Variants in TUSC3 observed in about 807,000 individuals in gnomAD.
TUSC3 encodes the protein dolichyl-diphosphooligosaccharide--protein glycosyltransferase subunit TUSC3.
In TUSC3, 45 loss-of-function variants were observed where a neutral mutation model predicts 44.8. That is an observed-to-expected ratio of 1.00 (90% CI 0.79 to 1.29). The LOEUF is 1.29. Ranked by LOEUF, TUSC3 falls within the 50% of genes most tolerant of loss-of-function variation. TUSC3 has a pLI of 0.00. For missense variants in TUSC3, 519 were observed against 437.9 expected (o/e 1.19, Z -1.65); for synonymous variants, 212 against 152.9 (o/e 1.39, Z -2.85).
intron 7 of TUSC3, among the ~76,000 whole-genome samples, chr8:15,731,530 G>T (rs1419895385): frequency 6.6e-6 from 1 of 151,994 alleles, no homozygotes. Flanking sequence ...AATTCATCTA[G>T]GCCAAACCTC....
At chr8:15,679,440 T>C (rs1220947625) in intron 6 of TUSC3, among the ~76,000 whole-genome samples, 1 of 152,120 alleles carries the variant, frequency 6.6e-6, no homozygotes, top group Non-Finnish European at 1.5e-5. Flanking sequence ...TGCCCACTTT[T>C]TAATGGGGTT....
At chr8:15,527,845 C>T (rs1457999717) in intron 2 of TUSC3, among the ~76,000 whole-genome samples, 6 of 152,162 alleles carry the variant, frequency 3.9e-5, no homozygotes, top group Non-Finnish European at 5.9e-5. Flanking sequence ...TTTAAACATT[C>T]CGTATACATT....
the TUSC3 span, among the ~76,000 whole-genome samples, chr8:15,822,296 T>A: frequency 6.6e-6 from 1 of 152,106 alleles, no homozygotes; most frequent in East Asian, 1.9e-4. Flanking sequence ...AATGTAGACT[T>A]CATAAGGAAG....
intron 1 of TUSC3, among the ~76,000 whole-genome samples, chr8:15,447,982 A>C (rs1219635995): frequency 2.0e-5 from 3 of 151,304 alleles, no homozygotes; most frequent in Admixed American, 6.6e-5. Context: ...GTTCAGTTCT[A>C]CAGTCACACT....
the TUSC3 span, among the ~76,000 whole-genome samples, chr8:15,843,626 G>GCA: frequency 2.5e-5 from 3 of 119,900 alleles, no homozygotes; most frequent in East Asian, 2.6e-4. Context: ...ATATATACAC[G>GCA]CACATACACA....
intron 1 of TUSC3, among the ~76,000 whole-genome samples, chr8:15,544,997 C>T (rs891217): frequency 0.31 from 46,375 of 151,482 alleles, 8,049 homozygotes; most frequent in Admixed American, 0.36. Context: ...TCTTTATGTA[C>T]ATATGGTTCT....
chr8:15,572,380 G>A (rs965537704), intron 1 of TUSC3, among the ~76,000 whole-genome samples: 2 of 152,116 alleles, frequency 1.3e-5, no homozygotes, highest in African/African-American at 4.8e-5. Flanking sequence ...GCCTTCATTG[G>A]ATTGAAGAGA....
chr8:15,739,472 A>G (rs542193791), intron 7 of TUSC3, among the ~76,000 whole-genome samples: 1 of 152,212 alleles, frequency 6.6e-6, no homozygotes, highest in African/African-American at 2.4e-5. Context: ...GTTAATAGGG[A>G]GTCTGCATAT....
chr8:15,674,546 G>A (rs1477667556), intron 6 of TUSC3, among the ~76,000 whole-genome samples: 1 of 151,816 alleles, frequency 6.6e-6, no homozygotes, highest in Non-Finnish European at 1.5e-5. Flanking sequence ...ATGGCTTCTT[G>A]TACCCATCAC....
chr8:15,727,379 TTGTAATTTGTGTAGC>T (rs1362704222), intron 6 of TUSC3, among the ~76,000 whole-genome samples: 2 of 152,184 alleles, frequency 1.3e-5, no homozygotes, highest in Non-Finnish European at 2.9e-5. Flanking sequence ...AAATGTATTC[TTGTAATTTGTGTAGC>T]TGTAATTTGT....
Position 15,542,236 on chromosome 8 carries a change from G to T in TUSC3, c.138+1668G>T, listed in dbSNP as rs547926908. ...TTTAAAAATTTTCTGATTGGCAATT[G>T]GTTGAAAGAATTGTTATTAATAGAA... On this transcript the variant is annotated intron_variant, in intron 1 of 10. Transcript: ENST00000503731. Among the ~76,000 whole-genome samples the T allele has an allele frequency of 4.6e-5, 7 of 152,176 alleles. No individual in the cohort carries two copies. In the East Asian group the frequency reaches 1.2e-3, roughly 25 times the overall value.
At chr8:15,526,828 G>C (rs1801379730) in intron 2 of TUSC3, among the ~76,000 whole-genome samples, 1 of 152,134 alleles carries the variant, frequency 6.6e-6, no homozygotes. Flanking sequence ...TCAGTGTTGA[G>C]GGAGACTAGG....
the TUSC3 span, among the ~76,000 whole-genome samples, chr8:15,824,063 C>A: frequency 6.6e-6 from 1 of 152,166 alleles, no homozygotes; most frequent in East Asian, 1.9e-4. Context: ...TTTTAGCAAT[C>A]AACTACAGCT....
chr8:15,813,672 T>G, the TUSC3 span, among the ~76,000 whole-genome samples: 1 of 152,180 alleles, frequency 6.6e-6, no homozygotes, highest in Non-Finnish European at 1.5e-5. Flanking sequence ...TGTGGGGAAA[T>G]GTAATCATTT....
chr8:15,819,125 T>G, the TUSC3 span, among the ~76,000 whole-genome samples: 1 of 152,178 alleles, frequency 6.6e-6, no homozygotes, highest in Non-Finnish European at 1.5e-5. Flanking sequence ...GTGCTTATTT[T>G]TTCATTCTCC....
intron 1 of TUSC3, among the ~76,000 whole-genome samples, chr8:15,418,620 G>C (rs758346605): frequency 3.3e-5 from 5 of 152,180 alleles, no homozygotes; most frequent in Non-Finnish European, 7.3e-5. Flanking sequence ...TGAAATAGGA[G>C]GAGAGTAATC....
At chr8:15,618,906 A>G (rs1398528596) in intron 1 of TUSC3, among the ~76,000 whole-genome samples, 1 of 152,048 alleles carries the variant, frequency 6.6e-6, no homozygotes, top group Non-Finnish European at 1.5e-5. Flanking sequence ...TTATAATCTT[A>G]TGGGACCGTC....
At chr8:15,778,391 A>G in the TUSC3 span, among the ~76,000 whole-genome samples, 1 of 152,184 alleles carries the variant, frequency 6.6e-6, no homozygotes, top group East Asian at 1.9e-4. Flanking sequence ...GGCTCTTAAT[A>G]TTAGTTGTTA....
intron 2 of TUSC3, among the ~76,000 whole-genome samples, chr8:15,484,355 C>G (rs1345847286): frequency 1.3e-5 from 2 of 152,146 alleles, no homozygotes. Context: ...TAATATAGTA[C>G]TTAATTGTTT....
Sources: allele counts gnomAD v4.1 joint callset (sites outside exome capture counted in the v4.1 genomes callset), GRCh38; gene constraint gnomAD v4.1.1; transcripts MANE v1.5; gene names NCBI Gene and HGNC (gene_info 2026-07-23, HGNC 2026-07-21).